DACH1: variants seen among roughly 807,000 people sequenced by gnomAD.
The protein encoded by DACH1 is dachshund family transcription factor 1, also known as dachshund homolog 1.
In DACH1, 12 loss-of-function variants were observed where a neutral mutation model predicts 54.2. The observed-to-expected ratio is 0.22, with a 90% confidence interval of 0.14 to 0.36. DACH1 has a LOEUF of 0.36. Ranked by LOEUF, DACH1 falls within the 10% of genes least tolerant of loss-of-function variation. The probability of loss-of-function intolerance (pLI) is 1.00; values close to 1 mark genes in which losing one functional copy is unlikely to be tolerated. For synonymous variants in DACH1, 386 were observed against 366.2 expected (o/e 1.05, Z -0.62); for missense variants, 805 against 929.8 (o/e 0.87, Z 1.75).
At chr13:71,571,806 G>A (rs1403259884) in intron 4 of DACH1, among the ~76,000 whole-genome samples, 1 of 147,726 alleles carries the variant, frequency 6.8e-6, no homozygotes, top group South Asian at 2.2e-4. Context: ...CACGATCTCA[G>A]CTCAATGCAA....
chr13:71,681,948 A>G (rs772470135), intron 1 of DACH1, 38 bp from the exon 2 acceptor site: 1 of 1,287,296 alleles, frequency 7.8e-7, no homozygotes. Context: ...CAATTAAGCT[A>G]TTGTCTTACA....
chr13:71,759,098 T>C (rs183389905), intron 1 of DACH1, among the ~76,000 whole-genome samples: 1 of 152,240 alleles, frequency 6.6e-6, no homozygotes, highest in African/African-American at 2.4e-5. Context: ...ATGCTGAATC[T>C]GTTACCTTTT....
intron 1 of DACH1, among the ~76,000 whole-genome samples, chr13:71,693,154 G>T (rs2138728638): frequency 6.6e-6 from 1 of 152,120 alleles, no homozygotes; most frequent in African/African-American, 2.4e-5. Flanking sequence ...CAGCGAGTGT[G>T]CATAAATCTT....
intron 1 of DACH1, among the ~76,000 whole-genome samples, chr13:71,695,371 C>T (rs991779283): frequency 1.3e-5 from 2 of 151,986 alleles, no homozygotes; most frequent in Non-Finnish European, 2.9e-5. Flanking sequence ...AAAATATAAC[C>T]CTCTCTCCAA....
intron 6 of DACH1, among the ~76,000 whole-genome samples, chr13:71,549,318 A>G (rs1420400631): frequency 6.6e-6 from 1 of 152,146 alleles, no homozygotes; most frequent in South Asian, 2.1e-4. Flanking sequence ...TTGCACAACT[A>G]TATAAAAACA....
chr13:71,654,256 G>A (rs746874879), intron 2 of DACH1, among the ~76,000 whole-genome samples: 18 of 151,394 alleles, frequency 1.2e-4, no homozygotes, highest in East Asian at 1.9e-4. Context: ...CGGGTGTGGC[G>A]GAGCACACCT....
At chr13:71,730,173 A>G (rs1323225213) in intron 1 of DACH1, among the ~76,000 whole-genome samples, 1 of 152,154 alleles carries the variant, frequency 6.6e-6, no homozygotes, top group Non-Finnish European at 1.5e-5. Context: ...CACATTGTGC[A>G]CATGTACCCT....
chr13:71,512,210 G>T (rs1051454894), intron 6 of DACH1, among the ~76,000 whole-genome samples: 2 of 151,508 alleles, frequency 1.3e-5, no homozygotes, highest in African/African-American at 4.8e-5. Context: ...GCCTTCATTT[G>T]TTATCTATTT....
intron 1 of DACH1, among the ~76,000 whole-genome samples, chr13:71,738,478 T>C (rs1884235037): frequency 6.6e-6 from 1 of 151,928 alleles, no homozygotes; most frequent in South Asian, 2.1e-4. Context: ...AAGCCTATAA[T>C]CCCAGCACCT....
chr13:71,596,203 T>C (rs1874085124), intron 3 of DACH1, among the ~76,000 whole-genome samples: 1 of 152,168 alleles, frequency 6.6e-6, no homozygotes, highest in African/African-American at 2.4e-5. Context: ...CTGGAAATAG[T>C]GTATCTTGAA....
At chr13:71,747,737 G>A (rs939184284) in intron 1 of DACH1, among the ~76,000 whole-genome samples, 2 of 152,154 alleles carry the variant, frequency 1.3e-5, no homozygotes, top group Non-Finnish European at 2.9e-5. Context: ...CCTTGAGAGT[G>A]TCTCTACTGG....
rs1874821936 is a variant in DACH1, at chr13:71,866,543, C to A, written c.227G>T (p.Gly76Val). Residue 76 changes from glycine to valine, a missense_variant, in exon 1 of 11, where the codon GGC becomes GTC. Physicochemically the swap from Gly to Val is moderately radical, Grantham distance 109. This residue lies in a region of DACH1 where 305 missense variants were observed against 308.7 expected (regional missense o/e 0.99). Coordinates refer to ENST00000613252, the MANE Select transcript of DACH1 (RefSeq NM_080759.6). Reference sequence around the variant, plus strand: ...GCCTCCGCTGCCGCCGCCGCCGCCGCCGCCGCCGGTAGAGGTGACTGTGGC... The same window carrying A: ...GCCTCCGCTGCCGCCGCCGCCGCCGACGCCGCCGGTAGAGGTGACTGTGGC... ...AAATVTSTGGGGGGGGSGGGG... is the reference protein window; with the variant it reads ...AAATVTSTGGVGGGGGSGGGG... The A allele has an allele frequency of 8.1e-7, 1 of 1,241,044 alleles. No individual in the cohort carries two copies. Among genetic ancestry groups the A allele is most frequent in the Admixed American group, 4.3e-5 (1 of 23,324 alleles). The allele number at this position is 1,241,044 out of a possible 1,614,324, so 76.9% of individuals were successfully genotyped here.
chr13:71,698,746 C>T (rs1486418930), intron 1 of DACH1, among the ~76,000 whole-genome samples: 1 of 152,058 alleles, frequency 6.6e-6, no homozygotes, highest in Non-Finnish European at 1.5e-5. Context: ...TTTGTATAGG[C>T]TATCAGTATT....
At chr13:71,517,258 T>C (rs1881231344) in intron 6 of DACH1, among the ~76,000 whole-genome samples, 1 of 151,862 alleles carries the variant, frequency 6.6e-6, no homozygotes, top group Non-Finnish European at 1.5e-5. Context: ...AAAATCTCAA[T>C]TAAAATTACT....
rs1232189328 is a variant in DACH1 at position 71,768,805 on chromosome 13, C to G, written c.849-86895G>C. On this transcript the variant is annotated intron_variant, in intron 1 of 10. Transcript: ENST00000613252. Reference sequence around the variant, plus strand: ...TAGGAAAATGTGGACTCTGTCTGTACAATTTTTAACATCATAATTTGCAGA... The same window carrying G: ...TAGGAAAATGTGGACTCTGTCTGTAGAATTTTTAACATCATAATTTGCAGA... Among the ~76,000 whole-genome samples, 6 of 151,972 alleles carry G rather than the reference C, an allele frequency of 3.9e-5. No individual in the cohort carries two copies. In the East Asian group the frequency reaches 1.2e-3, roughly 29 times the overall value.
chr13:71,508,750 G>A (rs1880528619), intron 6 of DACH1, among the ~76,000 whole-genome samples: 1 of 152,064 alleles, frequency 6.6e-6, no homozygotes, highest in Admixed American at 6.6e-5. Context: ...TTACAGGCAG[G>A]AGCCACTGCA....
intron 1 of DACH1, chr13:71,704,533 G>A (rs1882328520): frequency 2.0e-5 from 8 of 403,790 alleles, no homozygotes; most frequent in Non-Finnish European, 9.9e-6. Context: ...GGAAGCCAAA[G>A]AGAAACATAC....
intron 1 of DACH1, among the ~76,000 whole-genome samples, chr13:71,796,101 C>T (rs993454588): frequency 6.6e-6 from 1 of 152,078 alleles, no homozygotes; most frequent in Non-Finnish European, 1.5e-5. Context: ...GAAATCTCTT[C>T]TAGATTTTGG....
At chr13:71,470,101 A>C (rs764092837) in intron 10 of DACH1, among the ~76,000 whole-genome samples, 1 of 152,206 alleles carries the variant, frequency 6.6e-6, no homozygotes, top group Non-Finnish European at 1.5e-5. Context: ...GCAAAAAACT[A>C]CTAGTTTGAA....
Sources: gnomAD v4.1 joint callset for allele counts (sites outside exome capture counted in the v4.1 genomes callset) on GRCh38, gnomAD v4.1.1 for gene constraint, gnomAD v4.1.1 regional missense constraint, MANE v1.5 for transcripts, NCBI Gene and HGNC (gene_info 2026-07-23, HGNC 2026-07-21) for gene names.